GALNS: variants seen among roughly 807,000 people sequenced by gnomAD.
GALNS encodes the protein galactosamine (N-acetyl)-6-sulfatase.
GALNS carries 65 observed loss-of-function variants against 65.9 expected under a neutral mutation model. The ratio of observed to expected loss-of-function variants is 0.99; its 90% confidence interval spans 0.81 to 1.21. The LOEUF (loss-of-function observed/expected upper bound fraction) is 1.21. Among genes scored for constraint, GALNS ranks in the 50% most tolerant of loss-of-function variants. The probability of loss-of-function intolerance (pLI) is 0.00; values close to 1 mark genes in which losing one functional copy is unlikely to be tolerated. For synonymous variants in GALNS, 346 were observed against 288.9 expected (o/e 1.20, Z -2.00); for missense variants, 776 against 700.7 (o/e 1.11, Z -1.21).
At chr16:88,827,460 T>G (rs1911051944) in intron 9 of GALNS, among the ~76,000 whole-genome samples, 1 of 152,184 alleles carries the variant, frequency 6.6e-6, no homozygotes, top group South Asian at 2.1e-4. Flanking sequence ...TGTTTTTGTT[T>G]TTTGAGATGG....
At chr16:88,831,243 A>G (rs75644305) in intron 9 of GALNS, among the ~76,000 whole-genome samples, 14 of 142,344 alleles carry the variant, frequency 9.8e-5, no homozygotes, top group Non-Finnish European at 1.1e-4. Context: ...GTGCGTGGGG[A>G]GGAGAGCGGT....
intron 1 of GALNS, among the ~76,000 whole-genome samples, chr16:88,851,588 G>C (rs937308252): frequency 2.6e-5 from 4 of 152,186 alleles, no homozygotes; most frequent in Non-Finnish European, 5.9e-5. Context: ...AGGGGTTGGG[G>C]GATTTCCCTT....
intron 1 of GALNS, chr16:88,855,784 C>T (rs1306725628): frequency 3.8e-6 from 2 of 528,540 alleles, no homozygotes; most frequent in East Asian, 3.3e-5. Flanking sequence ...GGGTGTGGCC[C>T]GTGGCCCCCA....
intron 1 of GALNS, among the ~76,000 whole-genome samples, chr16:88,849,925 C>T (rs1037333143): frequency 8.5e-5 from 13 of 152,206 alleles, no homozygotes; most frequent in Non-Finnish European, 7.3e-5. Context: ...TCACAGTGGG[C>T]GAATGCGCCC....
chr16:88,823,718 C>T (rs1388609036), intron 11 of GALNS, among the ~76,000 whole-genome samples: 23 of 132,564 alleles, frequency 1.7e-4, no homozygotes, highest in African/African-American at 4.8e-4. Context: ...ATGCCCAGGA[C>T]GGCCCTCGCA....
chr16:88,836,180 G>A (rs758259190), intron 6 of GALNS, 21 bp downstream of exon 6: 2 of 1,610,366 alleles, frequency 1.2e-6, no homozygotes, highest in Non-Finnish European at 1.7e-6. Context: ...CACAGGGCGA[G>A]GATGGTGCGG....
intron 9 of GALNS, 120 bp downstream of exon 9, chr16:88,831,878 G>A: frequency 6.2e-6 from 5 of 809,610 alleles, no homozygotes; most frequent in Non-Finnish European, 1.0e-5. Context: ...TGCGTGGGGA[G>A]GAGAGCGGTG....
intron 10 of GALNS, 87 bp downstream of exon 10, chr16:88,826,615 G>C: frequency 6.7e-7 from 1 of 1,493,076 alleles, no homozygotes; most frequent in Non-Finnish European, 9.2e-7. Flanking sequence ...CAGGAGGGCT[G>C]CTGGGCCTGG....
intron 12 of GALNS, among the ~76,000 whole-genome samples, chr16:88,820,107 G>A (rs1419494249): frequency 2.6e-5 from 4 of 151,742 alleles, no homozygotes; most frequent in African/African-American, 4.8e-5. Context: ...GGGATCACAG[G>A]TGTGAGTGAC....
At chr16:88,834,711 C>G (rs544710160) in intron 8 of GALNS, among the ~76,000 whole-genome samples, 6 of 150,266 alleles carry the variant, frequency 4.0e-5, no homozygotes, top group Non-Finnish European at 7.4e-5. Context: ...TCATCAGTGC[C>G]GAGCGGGGGA....
chr16:88,824,596 C>G (rs1408539283), intron 11 of GALNS, among the ~76,000 whole-genome samples, 171 bp downstream of exon 11: 2 of 152,198 alleles, frequency 1.3e-5, no homozygotes, highest in African/African-American at 4.8e-5. Flanking sequence ...CTGTCAGCTG[C>G]CATGCCCTAG....
Position 88,828,666 on chromosome 16 carries a change from C to G in GALNS, c.1003-1828G>C, listed in dbSNP as rs74035852. On this transcript the variant is annotated intron_variant, in intron 9 of 13. Coordinates refer to ENST00000268695, the MANE Select transcript of GALNS (RefSeq NM_000512.5). Reference sequence around the variant, plus strand: ...GAGAGGGTTTCCCTTCTTCAGGGAGCGAGGCAGATGGCAAGGTTCCAAAAC... The same window carrying G: ...GAGAGGGTTTCCCTTCTTCAGGGAGGGAGGCAGATGGCAAGGTTCCAAAAC... 9.3e-4 allele frequency among the ~76,000 whole-genome samples: 142 copies of G among 152,178 alleles called. 1 individual carries two copies. Among genetic ancestry groups the G allele is most frequent in the Non-Finnish European group, 1.7e-3 (116 of 68,022 alleles).
Position 88,837,672 on chromosome 16 carries a change from G to A in GALNS, c.516C>T (p.Asn172=), listed in dbSNP as rs367557149. The change falls in exon 5 of 14, where the codon AAC becomes AAT. Residue 172 remains asparagine (N), a synonymous_variant. Transcript: ENST00000268695. The stretch of plus-strand genomic sequence containing the variant: ...ACACAGGGATGTTGGGCCTGGCCTT[G>A]TTGTCATAAGGTCCAAAGTGGCAGT... ...SPNCHFGPYD[N]KARPNIPVYR... is the part of the protein sequence containing the mutation. 1.2e-6 allele frequency: 2 copies of A among 1,614,028 alleles called. No homozygotes were observed. Among genetic ancestry groups the A allele is most frequent in the East Asian group, 2.2e-5 (1 of 44,884 alleles).
chr16:88,847,759 A>T (rs1044214208), intron 1 of GALNS, among the ~76,000 whole-genome samples: 1 of 152,216 alleles, frequency 6.6e-6, no homozygotes, highest in Non-Finnish European at 1.5e-5. Flanking sequence ...CTCACACACC[A>T]TGTAAGAACG....
chr16:88,852,124 C>T (rs894130964), intron 1 of GALNS, among the ~76,000 whole-genome samples: 1 of 152,224 alleles, frequency 6.6e-6, no homozygotes, highest in Non-Finnish European at 1.5e-5. Context: ...ACTGACACCT[C>T]ATACAGGCAG....
intron 8 of GALNS, among the ~76,000 whole-genome samples, chr16:88,833,454 C>CCTT (rs1555521205): frequency 2.3e-4 from 32 of 141,140 alleles, no homozygotes; most frequent in East Asian, 4.1e-4. Context: ...CTCCCATCCC[C>CCTT]TTTTTTTTTT....
intron 1 of GALNS, chr16:88,855,761 C>A (rs1597609270): frequency 3.7e-6 from 2 of 545,870 alleles, no homozygotes; most frequent in South Asian, 4.3e-5. Context: ...ACAGCCACGA[C>A]TGCCCAGCCC....
At chr16:88,841,133 G>A (rs113526906) in intron 3 of GALNS, 39 bp from the exon 4 acceptor site, 23 of 1,525,284 alleles carry the variant, frequency 1.5e-5, no homozygotes, top group African/African-American at 1.2e-4. Flanking sequence ...AGGAGACCCC[G>A]AGAAGCTGCC....
chr16:88,820,709 G>A (rs1471740951), intron 12 of GALNS, among the ~76,000 whole-genome samples: 1 of 152,234 alleles, frequency 6.6e-6, no homozygotes, highest in African/African-American at 2.4e-5. Context: ...GGCTGGAGGG[G>A]CTCCAGCAAA....
Sources: allele counts gnomAD v4.1 joint callset (sites outside exome capture counted in the v4.1 genomes callset), GRCh38; gene constraint gnomAD v4.1.1; transcripts MANE v1.5; gene names NCBI Gene and HGNC (gene_info 2026-07-23, HGNC 2026-07-21).